EPG5: variants seen among roughly 807,000 people sequenced by gnomAD.
The protein encoded by EPG5 is ectopic P-granules 5 autophagy tethering factor.
In EPG5, 159 loss-of-function variants were observed where a neutral mutation model predicts 302.7. The ratio of observed to expected loss-of-function variants is 0.53; its 90% CI spans 0.46 to 0.60. The LOEUF is 0.60. Among genes scored for constraint, EPG5 ranks in the 20% least tolerant of loss-of-function variants. EPG5 has a pLI of 0.00. For synonymous variants in EPG5, 1,158 were observed against 1,136.8 expected (o/e 1.02, Z -0.37); for missense variants, 2,896 against 3,092.4 (o/e 0.94, Z 1.51).
chr18:45,820,982 A>G, the EPG5 span, among the ~76,000 whole-genome samples: 1 of 152,256 alleles, frequency 6.6e-6, no homozygotes, highest in Non-Finnish European at 1.5e-5. Flanking sequence ...AAAACCAGGG[A>G]TCATCTGATA....
intron 8 of EPG5, 105 bp downstream of exon 8, chr18:45,943,900 G>A (rs1049542144): frequency 1.1e-4 from 80 of 717,604 alleles, no homozygotes; most frequent in African/African-American, 1.0e-3. Context: ...AGGCCTGGGC[G>A]ACACAGCAAG....
Position 45,908,048 on chromosome 18 carries a change from A to T in EPG5, c.4239T>A (p.Asp1413Glu), listed in dbSNP as rs755889304. ...AGGTATCTCCTTTTTGAAAATTCTC[A>T]TCTTCTAGCCATAATATATATACAT... Reference protein sequence around the residue: ...LFNVYILWLEDENFQKGDTYI... With the variant: ...LFNVYILWLEEENFQKGDTYI... The change falls in exon 24 of 44, where the codon GAT (aspartate) becomes GAA (glutamate). Residue 1413 changes from aspartate to glutamate, a missense_variant. Asp to Glu is a conservative substitution (Grantham distance 45, BLOSUM62 2). Transcript: ENST00000282041. 6.4e-7 allele frequency: 1 copy of T among 1,568,870 alleles called. No homozygotes were observed. The highest frequency in any genetic ancestry group is 8.7e-7 in the Non-Finnish European group (1 of 1,149,262).
At position 45,922,473 on chromosome 18, in the gene EPG5, G is replaced by A; in HGVS notation, c.2966C>T (p.Pro989Leu). The change falls in exon 16 of 44, where the codon CCA becomes CTA. Residue 989 changes from proline to leucine, a missense_variant. Around this residue, in one of 5 missense-constraint regions of EPG5, gnomAD observed 1,390 missense variants for 1,430.0 expected, o/e 0.97. Coordinates refer to ENST00000282041, the MANE Select transcript of EPG5 (RefSeq NM_020964.3). ...CACAGTGACGGAGAAGGGAACAGCT[G>A]GACAATTCGGCTGTATTCCATAATC... ...KNDYGIQPNC[P>L]AVPFSVTVPD... The A allele has an allele frequency of 6.2e-7, 1 of 1,614,158 alleles. No homozygotes were observed. The highest frequency in any genetic ancestry group is 8.5e-7 in the Non-Finnish European group (1 of 1,180,032).
the EPG5 span, among the ~76,000 whole-genome samples, chr18:45,824,528 A>G: frequency 1.3e-5 from 2 of 152,226 alleles, no homozygotes; most frequent in East Asian, 3.8e-4. Context: ...AAATGTCATG[A>G]AAGGGTTTTA....
At chr18:45,922,631 A>G in intron 15 of EPG5, 31 bp from the exon 16 acceptor site, 1 of 1,608,378 alleles carries the variant, frequency 6.2e-7, no homozygotes, top group Non-Finnish European at 8.5e-7. Context: ...GAGCCACATT[A>G]GTCACACACA....
At chr18:45,893,018 C>T (rs1458268449) in intron 27 of EPG5, among the ~76,000 whole-genome samples, 1 of 152,070 alleles carries the variant, frequency 6.6e-6, no homozygotes, top group African/African-American at 2.4e-5. Flanking sequence ...TGAAATGGTA[C>T]CTATATTCAT....
At chr18:45,883,614 GTTTTTTTTTTTTTTT>G (rs1174930322) in intron 30 of EPG5, among the ~76,000 whole-genome samples, 1 of 60,724 alleles carries the variant, frequency 1.6e-5, no homozygotes, top group Admixed American at 1.7e-4. Flanking sequence ...CTAGCCTGGT[GTTTTTTTTTTTTTTT>G]TTTTTTTTTT....
At position 45,857,944 on chromosome 18, in the gene EPG5, G is replaced by A; in HGVS notation, c.7351C>T (p.Gln2451Ter). The change falls in exon 42 of 44, where the codon CAG becomes TAG. Residue 2451 changes from glutamine (Q) to a stop codon, truncating the protein, a stop_gained. Coordinates refer to ENST00000282041, the MANE Select transcript of EPG5 (RefSeq NM_020964.3). LOFTEE classifies it high-confidence loss of function. ...ESVIRILLLVQSRQNLVAEER... is the reference protein window; with the variant it reads ...ESVIRILLLV ...TCAGCCACGAGGTTCTGCCTGCTCT[G>A]AACCAAGAGCAGAATTCGAATGACA... 6.2e-7 allele frequency: 1 copy of A among 1,613,228 alleles called. No homozygotes were observed. Among genetic ancestry groups the A allele is most frequent in the Non-Finnish European group, 8.5e-7 (1 of 1,179,946 alleles).
intron 35 of EPG5, among the ~76,000 whole-genome samples, chr18:45,871,423 T>G (rs1362155535): frequency 6.6e-6 from 1 of 152,174 alleles, no homozygotes; most frequent in African/African-American, 2.4e-5. Flanking sequence ...TAATCTCACT[T>G]CTGGGTATAT....
intron 17 of EPG5, 127 bp from the exon 18 acceptor site, chr18:45,916,709 G>A: frequency 1.1e-6 from 1 of 943,130 alleles, no homozygotes; most frequent in South Asian, 2.0e-5. Flanking sequence ...CACTATTTAA[G>A]AAGGGATTCT....
At chr18:45,937,235 TACACACACACACACACAC>T (rs57593059) in intron 10 of EPG5, among the ~76,000 whole-genome samples, 15,138 of 136,832 alleles carry the variant, frequency 0.11, 1,208 homozygotes, top group East Asian at 0.3. Context: ...TACATATATA[TACACACACACACACACAC>T]ACACACACAC....
At chr18:45,909,452 G>A (rs2049841161) in intron 23 of EPG5, among the ~76,000 whole-genome samples, 1 of 152,108 alleles carries the variant, frequency 6.6e-6, no homozygotes, top group Admixed American at 6.6e-5. Context: ...AAAGGTTGAG[G>A]GCAAATAAAC....
At chr18:45,914,659 A>C (rs1025789032) in intron 20 of EPG5, among the ~76,000 whole-genome samples, 5 of 152,240 alleles carry the variant, frequency 3.3e-5, no homozygotes, top group Admixed American at 3.3e-4. Context: ...AAGCTGCCCA[A>C]GGCACAGAGC....
At chr18:45,914,730 C>A (rs963276057) in intron 20 of EPG5, among the ~76,000 whole-genome samples, 38 of 152,206 alleles carry the variant, frequency 2.5e-4, no homozygotes, top group Non-Finnish European at 4.7e-4. Flanking sequence ...CCACTCTAAA[C>A]CTCTCTGCAG....
intron 23 of EPG5, among the ~76,000 whole-genome samples, chr18:45,909,818 G>A (rs1050983316): frequency 2.0e-5 from 3 of 152,190 alleles, no homozygotes; most frequent in East Asian, 1.9e-4. Context: ...TCTAAGCTAC[G>A]TGTGGTGGCA....
chr18:45,820,643 C>G, the EPG5 span, among the ~76,000 whole-genome samples: 1 of 152,080 alleles, frequency 6.6e-6, no homozygotes, highest in African/African-American at 2.4e-5. Context: ...CGGACCTGAG[C>G]CAGCTGGGGG....
chr18:45,809,825 G>A, the EPG5 span, among the ~76,000 whole-genome samples: 2 of 151,786 alleles, frequency 1.3e-5, no homozygotes, highest in South Asian at 2.1e-4. Flanking sequence ...AGAGAAACAA[G>A]AACAAACCAA....
At position 45,913,698 on chromosome 18, in the gene EPG5, A is replaced by G; in HGVS notation, c.3816+8T>C. 1.2e-6 allele frequency: 2 copies of G among 1,613,924 alleles called. No individual in the cohort carries two copies. The highest frequency in any genetic ancestry group is 1.7e-6 in the Non-Finnish European group (2 of 1,179,894). On this transcript the variant is annotated splice_region_variant and intron_variant, in intron 21 of 43. Transcript: ENST00000282041. Reference sequence around the variant, plus strand: ...TCTACCACTCAAATGCAGAACTGCTATTTGTACCTTCAGAGCTTGGTCAGG... The same window carrying G: ...TCTACCACTCAAATGCAGAACTGCTGTTTGTACCTTCAGAGCTTGGTCAGG...
intron 39 of EPG5, among the ~76,000 whole-genome samples, chr18:45,860,575 G>A (rs1357415825): frequency 2.0e-5 from 3 of 152,014 alleles, no homozygotes; most frequent in Non-Finnish European, 2.9e-5. Flanking sequence ...GAGTTCCCTG[G>A]GTACAGCAGC....
Sources: gnomAD v4.1 joint callset for allele counts (sites outside exome capture counted in the v4.1 genomes callset) on GRCh38, gnomAD v4.1.1 for gene constraint, gnomAD v4.1.1 regional missense constraint, MANE v1.5 for transcripts, NCBI Gene and HGNC (gene_info 2026-07-23, HGNC 2026-07-21) for gene names.